The following SYT14 variants were observed in gnomAD, a reference collection of about 807,000 sequenced individuals.
The protein encoded by SYT14 is synaptotagmin 14, also known as synaptotagmin-14.
A neutral mutation model predicts 74.2 loss-of-function variants in SYT14; 32 were observed. The ratio of observed to expected loss-of-function variants is 0.43; its 90% CI spans 0.33 to 0.58. The LOEUF (loss-of-function observed/expected upper bound fraction) is 0.58, where lower values mean the gene tolerates loss of function less well. Ranked by LOEUF, SYT14 falls within the 20% of genes least tolerant of loss-of-function variation. The pLI is 0.05. For missense variants in SYT14, 791 were observed against 981.8 expected, an observed-to-expected ratio of 0.81 and a Z score of 2.60; for synonymous variants, 298 against 337.7, an observed-to-expected ratio of 0.88 and a Z score of 1.29.
intron 2 of SYT14, among the ~76,000 whole-genome samples, chr1:210,007,741 G>A (rs2080015123): frequency 6.6e-6 from 1 of 152,020 alleles, no homozygotes; most frequent in African/African-American, 2.4e-5. Context: ...GTATTACTTG[G>A]TGTTTAAGAT....
chr1:210,156,994 C>T (rs1419396485), intron 8 of SYT14: 1 of 183,552 alleles, frequency 5.4e-6, no homozygotes, highest in Non-Finnish European at 1.2e-5. Flanking sequence ...GCGCCTGGCC[C>T]AGCTTCTTTA....
chr1:210,169,221 G>GTTTTTTTTTTTTT (rs35974726), exon 10 of SYT14: 24 of 50,238 alleles, frequency 4.8e-4, no homozygotes, highest in African/African-American at 1.9e-3. Context: ...TGTTTTTGGT[G>GTTTTTTTTTTTTT]TTTTTTTTTT....
chr1:209,956,595 A>G (rs1208154809), intron 2 of SYT14, among the ~76,000 whole-genome samples: 1 of 152,166 alleles, frequency 6.6e-6, no homozygotes, highest in East Asian at 1.9e-4. Context: ...ATCTATAGTA[A>G]CTTCAAAACA....
At chr1:210,155,021 G>T (rs190150778) in intron 7 of SYT14, among the ~76,000 whole-genome samples, 1 of 152,234 alleles carries the variant, frequency 6.6e-6, no homozygotes, top group African/African-American at 2.4e-5. Flanking sequence ...CAGTGATTAT[G>T]GATGTCTGTG....
At chr1:210,013,720 T>G in exon 3 of SYT14, 1 of 1,613,180 alleles carries the variant, frequency 6.2e-7, no homozygotes, top group South Asian at 1.1e-5. Flanking sequence ...AATAAGAAGT[T>G]CTGTTTTGAA....
intron 6 of SYT14, among the ~76,000 whole-genome samples, chr1:210,098,220 T>A (rs1456084800): frequency 6.6e-6 from 1 of 151,840 alleles, no homozygotes; most frequent in Non-Finnish European, 1.5e-5. Flanking sequence ...TGGTTCTCTC[T>A]GCAGAAAGAA....
At chr1:210,155,683 C>G in intron 7 of SYT14, 38 bp from the exon 7 acceptor site, 1 of 1,605,944 alleles carries the variant, frequency 6.2e-7, no homozygotes, top group Non-Finnish European at 8.5e-7. Context: ...ATATATCTCT[C>G]TTGCAAAATA....
chr1:209,939,120 A>G (rs896932375), intron 1 of SYT14, among the ~76,000 whole-genome samples: 2 of 152,130 alleles, frequency 1.3e-5, no homozygotes, highest in African/African-American at 2.4e-5. Flanking sequence ...AAGTGTCTAT[A>G]TTTTGCCTTG....
At chr1:210,023,893 G>T (rs545723663) in intron 5 of SYT14, among the ~76,000 whole-genome samples, 22 of 152,336 alleles carry the variant, frequency 1.4e-4, no homozygotes, top group African/African-American at 5.1e-4. Context: ...TTAAGCAGGA[G>T]AGTGTGATAA....
intron 5 of SYT14, among the ~76,000 whole-genome samples, chr1:210,070,468 TACTC>T (rs1331058448): frequency 6.6e-6 from 1 of 152,130 alleles, no homozygotes; most frequent in Non-Finnish European, 1.5e-5. Context: ...AGAGTTTAAA[TACTC>T]ACTTTGCTTT....
intron 7 of SYT14, among the ~76,000 whole-genome samples, chr1:210,121,152 C>T (rs537465929): frequency 1.3e-5 from 2 of 152,210 alleles, no homozygotes; most frequent in East Asian, 1.9e-4. Flanking sequence ...TAATAGCTAC[C>T]TTATAGATTT....
chr1:209,981,709 G>A (rs1207137855), intron 2 of SYT14, among the ~76,000 whole-genome samples: 1 of 151,958 alleles, frequency 6.6e-6, no homozygotes, highest in Non-Finnish European at 1.5e-5. Context: ...TTCTGCATCA[G>A]CCTCTCAAAG....
intron 6 of SYT14, 142 bp from the exon 6 acceptor site, chr1:210,099,870 A>G: frequency 1.2e-6 from 1 of 810,138 alleles, no homozygotes. Context: ...TTTTGGTTGT[A>G]GTTGACTGTT....
At chr1:209,986,192 A>C (rs2079567278) in intron 2 of SYT14, among the ~76,000 whole-genome samples, 1 of 152,162 alleles carries the variant, frequency 6.6e-6, no homozygotes, top group Non-Finnish European at 1.5e-5. Context: ...CCAAACTTTT[A>C]TGCTCTGCTT....
In SYT14 at chr1:210,026,374, G is replaced by C. The variant is rs563213954; in HGVS notation, c.1312+5120G>C. Reference sequence around the variant, plus strand: ...ACTTTCTATTTTTATATTAGGAGAAGCTTATTAAAGATGATTCTATATGAA... The same window carrying C: ...ACTTTCTATTTTTATATTAGGAGAACCTTATTAAAGATGATTCTATATGAA... On this transcript the variant is annotated intron_variant, in intron 5 of 9. Transcript: ENST00000637265. Among the ~76,000 whole-genome samples, 21 of 152,090 alleles carry C rather than the reference G, an allele frequency of 1.4e-4. 1 individual carries two copies. In the Middle Eastern group the frequency reaches 0.014, roughly 99 times the overall value.
chr1:209,944,747 GT>G (rs571904064), intron 1 of SYT14, among the ~76,000 whole-genome samples: 8 of 146,634 alleles, frequency 5.5e-5, no homozygotes, highest in South Asian at 4.4e-4. Flanking sequence ...GAAGTTTTTT[GT>G]TTTTTTTTTC....
At chr1:210,085,822 C>T (rs569333501) in intron 5 of SYT14, among the ~76,000 whole-genome samples, 60 of 152,034 alleles carry the variant, frequency 3.9e-4, no homozygotes, top group Non-Finnish European at 7.1e-4. Flanking sequence ...TCTGTGTTCA[C>T]GGGAGAGATT....
At chr1:210,031,496 T>C (rs1361996187) in intron 5 of SYT14, among the ~76,000 whole-genome samples, 1 of 152,142 alleles carries the variant, frequency 6.6e-6, no homozygotes, top group Non-Finnish European at 1.5e-5. Flanking sequence ...ATTGAAGTAA[T>C]TTTTCTCATA....
intron 7 of SYT14, among the ~76,000 whole-genome samples, chr1:210,121,662 C>G (rs949793396): frequency 6.6e-6 from 1 of 151,768 alleles, no homozygotes; most frequent in Non-Finnish European, 1.5e-5. Flanking sequence ...GGCGTGGTGG[C>G]GGGCGCCTGT....
Sources: gnomAD v4.1 joint callset for allele counts (sites outside exome capture counted in the v4.1 genomes callset) on GRCh38, gnomAD v4.1.1 for gene constraint, MANE v1.5 for transcripts, NCBI Gene and HGNC (gene_info 2026-07-23, HGNC 2026-07-21) for gene names.